Variants in IGSF21 observed in about 807,000 individuals in gnomAD.
The protein encoded by IGSF21 is immunoglobulin superfamily member 21.
IGSF21 carries 28 observed loss-of-function variants against 46.8 expected under a neutral mutation model. The observed-to-expected ratio is 0.60, with a 90% CI of 0.44 to 0.82. The LOEUF (loss-of-function observed/expected upper bound fraction) is 0.82, where lower values mean the gene tolerates loss of function less well. IGSF21 is among the 40% of genes least tolerant of loss of function. IGSF21 has a pLI of 0.00. For missense variants in IGSF21, 624 were observed against 665.5 expected, an observed-to-expected ratio of 0.94 and a Z score of 0.69; for synonymous variants, 284 against 273.6, an observed-to-expected ratio of 1.04 and a Z score of -0.38.
intron 2 of IGSF21, among the ~76,000 whole-genome samples, chr1:18,273,331 A>ACGCCCT (rs111860382): frequency 0.01 from 562 of 54,178 alleles, 52 homozygotes; most frequent in African/African-American, 0.038. Flanking sequence ...ATGAGCCACC[A>ACGCCCT]TTCCTTTCCT....
intron 1 of IGSF21, among the ~76,000 whole-genome samples, chr1:18,126,220 G>A (rs569116153): frequency 6.9e-6 from 1 of 145,048 alleles, no homozygotes; most frequent in Non-Finnish European, 1.5e-5. Flanking sequence ...GAGCTCGCTC[G>A]CTTTGGCTCT....
intron 3 of IGSF21, among the ~76,000 whole-genome samples, chr1:18,307,322 G>A (rs1036871738): frequency 2.6e-5 from 4 of 152,252 alleles, no homozygotes; most frequent in African/African-American, 9.6e-5. Flanking sequence ...CGATGATATA[G>A]CAAGAGCCCT....
chr1:18,321,174 G>T (rs1333891535), intron 3 of IGSF21, among the ~76,000 whole-genome samples: 1 of 152,162 alleles, frequency 6.6e-6, no homozygotes, highest in African/African-American at 2.4e-5. Context: ...TGCTTCCAGG[G>T]AAAACATGGT....
intron 3 of IGSF21, among the ~76,000 whole-genome samples, chr1:18,318,818 T>C (rs1318230886): frequency 1.3e-5 from 2 of 152,250 alleles, no homozygotes; most frequent in Admixed American, 6.5e-5. Flanking sequence ...TGACAAATTA[T>C]TGAAAACCAG....
chr1:18,174,157 C>A (rs1480180453), intron 1 of IGSF21, among the ~76,000 whole-genome samples: 1 of 152,184 alleles, frequency 6.6e-6, no homozygotes, highest in Non-Finnish European at 1.5e-5. Flanking sequence ...GACAGAAACA[C>A]CCAGATGGCT....
chr1:18,174,672 C>G (rs12038815), intron 1 of IGSF21, among the ~76,000 whole-genome samples: 1 of 152,030 alleles, frequency 6.6e-6, no homozygotes, highest in Non-Finnish European at 1.5e-5. Flanking sequence ...CGATTCCCAT[C>G]GCCTTCTCCC....
At position 18,337,109 on chromosome 1, in the gene IGSF21, G is replaced by A. The variant is rs961216503; in HGVS notation, c.424+2099G>A. Among the ~76,000 whole-genome samples the A allele has an allele frequency of 2.0e-5, 3 of 152,130 alleles. No individual in the cohort carries two copies. The highest frequency in any genetic ancestry group is 7.2e-5 in the African/African-American group (3 of 41,430). ...CCAAACCATATCATGTATCATCAGAGGGTTGACCAGACCATCCTACACTCC... is the reference window on the plus strand; with the variant it reads ...CCAAACCATATCATGTATCATCAGAAGGTTGACCAGACCATCCTACACTCC... On this transcript the variant is annotated intron_variant, in intron 4 of 9. Transcript: ENST00000251296. This position sits in a 1 kb window ranked among gnomAD's most constrained non-coding sequence, Gnocchi z 5.7.
chr1:18,204,587 T>C (rs967462772), intron 1 of IGSF21, among the ~76,000 whole-genome samples: 1 of 151,778 alleles, frequency 6.6e-6, no homozygotes, highest in African/African-American at 2.4e-5. Flanking sequence ...GGAGGGGAGA[T>C]GAAGGGGAGA....
chr1:18,198,785 C>G, intron 1 of IGSF21, among the ~76,000 whole-genome samples: 1 of 152,148 alleles, frequency 6.6e-6, no homozygotes, highest in East Asian at 1.9e-4. Context: ...TCTGTCACCA[C>G]CCCCCTGGCC....
At chr1:18,223,032 C>T (rs1416805010) in intron 1 of IGSF21, among the ~76,000 whole-genome samples, 1 of 152,202 alleles carries the variant, frequency 6.6e-6, no homozygotes, top group Non-Finnish European at 1.5e-5. Flanking sequence ...GAGAGCCCAC[C>T]TCCAGACCTG....
At chr1:18,297,117 C>G (rs964257643) in intron 3 of IGSF21, among the ~76,000 whole-genome samples, 2 of 152,180 alleles carry the variant, frequency 1.3e-5, no homozygotes, top group East Asian at 1.9e-4. Context: ...TGCCCGCCCC[C>G]CCACTAGACT....
intron 1 of IGSF21, among the ~76,000 whole-genome samples, chr1:18,143,691 T>C (rs1343958843): frequency 1.3e-5 from 2 of 152,158 alleles, no homozygotes; most frequent in East Asian, 3.9e-4. Context: ...GTGCGACCCC[T>C]GGATTTCGTG....
chr1:18,215,775 C>T (rs2084438245), intron 1 of IGSF21, among the ~76,000 whole-genome samples: 1 of 152,116 alleles, frequency 6.6e-6, no homozygotes, highest in Admixed American at 6.5e-5. Context: ...TGGACTTCAT[C>T]CCAAAGGCAA....
intron 1 of IGSF21, among the ~76,000 whole-genome samples, chr1:18,180,732 G>A (rs1318854579): frequency 6.6e-6 from 1 of 152,162 alleles, no homozygotes; most frequent in African/African-American, 2.4e-5. Context: ...ATATGCACCT[G>A]GCACTGTTCT....
intron 1 of IGSF21, among the ~76,000 whole-genome samples, chr1:18,198,529 C>T (rs1054496856): frequency 1.3e-5 from 2 of 152,212 alleles, no homozygotes; most frequent in African/African-American, 4.8e-5. Flanking sequence ...AGAAAAACCA[C>T]GTAGCCAGAC....
intron 3 of IGSF21, among the ~76,000 whole-genome samples, chr1:18,295,653 C>T (rs893306737): frequency 1.3e-5 from 2 of 152,056 alleles, no homozygotes; most frequent in Non-Finnish European, 1.5e-5. Context: ...CAGATGTGGC[C>T]GACAGTTATC....
intron 8 of IGSF21, 27 bp from the exon 9 acceptor site, chr1:18,377,366 G>A (rs1164953344): frequency 1.9e-6 from 3 of 1,608,094 alleles, no homozygotes; most frequent in Non-Finnish European, 1.7e-6. Flanking sequence ...TCCACCCTTT[G>A]GTTCTCTTTC....
chr1:18,201,177 T>G, intron 1 of IGSF21, among the ~76,000 whole-genome samples: 1 of 152,112 alleles, frequency 6.6e-6, no homozygotes, highest in Non-Finnish European at 1.5e-5. Context: ...CTGAGCTGTC[T>G]CAGCATGGGT....
chr1:18,131,578 A>G (rs978333409), intron 1 of IGSF21, among the ~76,000 whole-genome samples: 1 of 152,218 alleles, frequency 6.6e-6, no homozygotes, highest in Non-Finnish European at 1.5e-5. Context: ...CCATGGTAAC[A>G]CTTGTTGCTA....
Sources: allele counts gnomAD v4.1 joint callset (sites outside exome capture counted in the v4.1 genomes callset), GRCh38; gene constraint gnomAD v4.1.1; non-coding constraint Gnocchi (gnomAD v3.1); transcripts MANE v1.5; gene names NCBI Gene and HGNC (gene_info 2026-07-23, HGNC 2026-07-21).